The following RIMBP2 variants were observed in gnomAD, a reference collection of about 807,000 sequenced individuals.
RIMBP2 encodes RIMS binding protein 2, also known as RIMS-binding protein 2.
Under a neutral mutation model 118.6 loss-of-function variants are expected in RIMBP2, and 48 were observed. The observed-to-expected ratio is 0.40, with a 90% CI of 0.32 to 0.51. RIMBP2 has a LOEUF of 0.51. Among genes scored for constraint, RIMBP2 ranks in the 20% least tolerant of loss-of-function variants. RIMBP2 has a pLI of 0.41. For synonymous variants in RIMBP2, 762 were observed against 742.9 expected, an observed-to-expected ratio of 1.03 and a Z score of -0.42; for missense variants, 1,551 against 1,768.3, an observed-to-expected ratio of 0.88 and a Z score of 2.20.
intron 1 of RIMBP2, among the ~76,000 whole-genome samples, chr12:130,705,988 C>T (rs2066098297): frequency 6.6e-6 from 1 of 152,248 alleles, no homozygotes; most frequent in Non-Finnish European, 1.5e-5. Flanking sequence ...GCGGAAGCAT[C>T]TACAAGAAAT....
intron 1 of RIMBP2, among the ~76,000 whole-genome samples, chr12:130,649,468 G>A (rs1445076541): frequency 2.0e-5 from 3 of 152,182 alleles, no homozygotes; most frequent in Non-Finnish European, 4.4e-5. Context: ...CCATTGGCCA[G>A]AACAAGCCAC....
rs2058081282 is a variant in RIMBP2 at position 130,576,297 on chromosome 12, T to C, written c.-217+52025A>G. Among the ~76,000 whole-genome samples, 1 of 152,170 alleles carries C rather than the reference T, an allele frequency of 6.6e-6. No homozygotes were observed. Among genetic ancestry groups the C allele is most frequent in the African/African-American group, 2.4e-5 (1 of 41,460 alleles). On this transcript the variant is annotated intron_variant, in intron 2 of 22. Coordinates refer to ENST00000690449, the MANE Select transcript of RIMBP2 (RefSeq NM_001393629.1). This position sits in a 1 kb window ranked among gnomAD's most constrained non-coding sequence, Gnocchi z 4.2. ...CTACAAACAGGAACGGAGAGTTTCA[T>C]GACCATAGACATGGGCATTTGCTTC...
chr12:130,695,612 G>T (rs896144971), intron 1 of RIMBP2, among the ~76,000 whole-genome samples: 5 of 152,058 alleles, frequency 3.3e-5, no homozygotes, highest in African/African-American at 1.2e-4. Context: ...TTCCAAGCGG[G>T]CAGGAAAACC....
chr12:130,704,140 A>T (rs1240916759), intron 1 of RIMBP2, among the ~76,000 whole-genome samples: 1 of 152,150 alleles, frequency 6.6e-6, no homozygotes, highest in African/African-American at 2.4e-5. Flanking sequence ...GCACCAGAAC[A>T]CAGGCAGGGA....
intron 2 of RIMBP2, among the ~76,000 whole-genome samples, chr12:130,594,923 T>C (rs1301452532): frequency 1.3e-5 from 2 of 152,218 alleles, no homozygotes; most frequent in East Asian, 3.8e-4. Flanking sequence ...CGGGGAGTAA[T>C]ACAATGAAAC....
chr12:130,627,849 G>T (rs1340168050), intron 2 of RIMBP2, among the ~76,000 whole-genome samples: 3 of 152,170 alleles, frequency 2.0e-5, no homozygotes, highest in African/African-American at 7.2e-5. Flanking sequence ...GGACTACATG[G>T]TCGCCGCCTA....
chr12:130,559,063 T>C (rs1242276974), intron 2 of RIMBP2, among the ~76,000 whole-genome samples: 1 of 152,198 alleles, frequency 6.6e-6, no homozygotes, highest in East Asian at 1.9e-4. Context: ...ACAATAAGTG[T>C]ATGTATTTAT....
At chr12:130,514,149 A>AG in intron 3 of RIMBP2, among the ~76,000 whole-genome samples, 1 of 152,346 alleles carries the variant, frequency 6.6e-6, no homozygotes, top group East Asian at 1.9e-4. Context: ...AGCAGGCTGC[A>AG]GGACAGATCT....
At chr12:130,478,140 G>A (rs2081604568) in intron 5 of RIMBP2, among the ~76,000 whole-genome samples, 1 of 152,212 alleles carries the variant, frequency 6.6e-6, no homozygotes, top group Non-Finnish European at 1.5e-5. Flanking sequence ...ACCCATCACA[G>A]GTGCCCAGGA....
rs572762376 is a variant in RIMBP2 at position 130,617,882 on chromosome 12, C to T, written c.-217+10440G>A. ...TTCAGATTGCCAGGTCTCTTTAGAA[C>T]TGGGAGATTCTTAGAAACATCTAAC... On this transcript the variant is annotated intron_variant, in intron 2 of 22. Coordinates refer to ENST00000690449, the MANE Select transcript of RIMBP2 (RefSeq NM_001393629.1). This position sits in a 1 kb window ranked among gnomAD's most constrained non-coding sequence, Gnocchi z 4.6. Among the ~76,000 whole-genome samples the T allele has an allele frequency of 6.6e-6, 1 of 152,038 alleles. No individual in the cohort carries two copies. The highest frequency in any genetic ancestry group is 2.4e-5 in the African/African-American group (1 of 41,378).
intron 7 of RIMBP2, among the ~76,000 whole-genome samples, chr12:130,454,836 G>A (rs144260236): frequency 3.2e-4 from 49 of 152,166 alleles, no homozygotes; most frequent in Non-Finnish European, 4.3e-4. Flanking sequence ...CGGACTCACC[G>A]GGCAGGCCTG....
chr12:130,664,415 A>ACACACACACACGCACG (rs2063805704), intron 1 of RIMBP2, among the ~76,000 whole-genome samples: 1 of 130,496 alleles, frequency 7.7e-6, no homozygotes, highest in Admixed American at 7.8e-5. Flanking sequence ...ACGCACGCAC[A>ACACACACACACGCACG]CACACGCACA....
intron 2 of RIMBP2, among the ~76,000 whole-genome samples, chr12:130,534,384 T>A (rs10848137): frequency 6.6e-6 from 1 of 151,798 alleles, no homozygotes; most frequent in Non-Finnish European, 1.5e-5. Flanking sequence ...GAGGCCGAGG[T>A]GGGAGGACCA....
At chr12:130,716,162 C>A (rs1024269885) in intron 1 of RIMBP2, 60 bp downstream of exon 1, 16 of 152,104 alleles carry the variant, frequency 1.1e-4, no homozygotes, top group African/African-American at 3.9e-4. Context: ...AGCTCGGGTG[C>A]AGAAAGGCGA....
At position 130,470,755 on chromosome 12, in the gene RIMBP2, T is replaced by C. The variant is rs2137875994; in HGVS notation, c.103-12A>G. 12 of 1,229,836 alleles carry C rather than the reference T, an allele frequency of 9.8e-6. No homozygotes were observed. Among genetic ancestry groups the C allele is most frequent in the Non-Finnish European group, 1.2e-5 (12 of 986,082 alleles). The allele number at this position is 1,229,836 out of a possible 1,614,324, so 76.2% of individuals were successfully genotyped here. On this transcript the variant is annotated splice_polypyrimidine_tract_variant and intron_variant, in intron 5 of 22. Coordinates refer to ENST00000690449, the MANE Select transcript of RIMBP2 (RefSeq NM_001393629.1). ...GCCTCAACCTGAGCCTTTTTTATGA[T>C]GAAAAGAGAGAAAAGAGTAAATGTC...
At chr12:130,512,355 C>T (rs956794861) in intron 3 of RIMBP2, among the ~76,000 whole-genome samples, 2 of 152,046 alleles carry the variant, frequency 1.3e-5, no homozygotes, top group South Asian at 2.1e-4. Flanking sequence ...GAGAGCCTCA[C>T]TCTGTCGCCC....
intron 1 of RIMBP2, among the ~76,000 whole-genome samples, chr12:130,629,190 C>T (rs1456566318): frequency 6.6e-6 from 1 of 152,176 alleles, no homozygotes; most frequent in Non-Finnish European, 1.5e-5. Context: ...TGCTGATATC[C>T]TGCATCCATA....
At chr12:130,473,288 G>A (rs1319566416) in intron 5 of RIMBP2, among the ~76,000 whole-genome samples, 1 of 152,250 alleles carries the variant, frequency 6.6e-6, no homozygotes, top group Admixed American at 6.5e-5. Flanking sequence ...CAGGGAAAGT[G>A]CGACCTTTAC....
chr12:130,666,320 G>A (rs1178755708), intron 1 of RIMBP2, among the ~76,000 whole-genome samples: 1 of 152,104 alleles, frequency 6.6e-6, no homozygotes, highest in Admixed American at 6.5e-5. Context: ...AAGGGGCTTG[G>A]CACAGGTCAC....
Sources: gnomAD v4.1 joint callset for allele counts (sites outside exome capture counted in the v4.1 genomes callset) on GRCh38, gnomAD v4.1.1 for gene constraint, Gnocchi (gnomAD v3.1) non-coding constraint, MANE v1.5 for transcripts, NCBI Gene and HGNC (gene_info 2026-07-23, HGNC 2026-07-21) for gene names.